Variants in METTL9 observed in about 807,000 individuals in gnomAD.
METTL9 encodes protein-L-histidine N-pros-methyltransferase.
In METTL9, 10 loss-of-function variants were observed where a neutral mutation model predicts 36.0. The ratio of observed to expected loss-of-function variants is 0.28; its 90% confidence interval spans 0.17 to 0.47. The LOEUF (loss-of-function observed/expected upper bound fraction) is 0.47, where lower values mean the gene tolerates loss of function less well. METTL9 is among the 20% of genes least tolerant of loss of function. The pLI is 0.99. For missense variants in METTL9, 246 were observed against 383.5 expected, an observed-to-expected ratio of 0.64 and a Z score of 3.00; for synonymous variants, 175 against 149.7, an observed-to-expected ratio of 1.17 and a Z score of -1.23.
intron 3 of METTL9, among the ~76,000 whole-genome samples, chr16:21,620,113 G>A (rs1250551897): frequency 2.6e-5 from 4 of 152,162 alleles, no homozygotes; most frequent in East Asian, 1.9e-4. Context: ...GCACAGCTAC[G>A]CCTTAGAAGT....
At chr16:21,624,867 A>T in intron 3 of METTL9, 64 bp from the exon 4 acceptor site, 2 of 1,401,024 alleles carry the variant, frequency 1.4e-6, no homozygotes, top group Non-Finnish European at 2.0e-6. Context: ...TTGTCATCTC[A>T]GTTATTTTTA....
At chr16:21,637,478 C>G (rs1417092943) in intron 4 of METTL9, among the ~76,000 whole-genome samples, 2 of 152,238 alleles carry the variant, frequency 1.3e-5, no homozygotes, top group East Asian at 1.9e-4. Flanking sequence ...GGTGCATTTA[C>G]AAACCTTTAG....
intron 1 of METTL9, among the ~76,000 whole-genome samples, chr16:21,608,150 A>G (rs1248422445): frequency 6.6e-6 from 1 of 152,136 alleles, no homozygotes; most frequent in African/African-American, 2.4e-5. Context: ...CTCCGTCTCA[A>G]AAAAAACAAA....
chr16:21,641,698 T>C, intron 4 of METTL9: 1 of 588,964 alleles, frequency 1.7e-6, no homozygotes, highest in Admixed American at 3.2e-5. Context: ...TTCTGGGTCC[T>C]AAGTGTCCAT....
At chr16:21,647,359 C>T in intron 4 of METTL9, 3 of 1,614,136 alleles carry the variant, frequency 1.9e-6, no homozygotes, top group Non-Finnish European at 8.5e-7. Context: ...CGTAGCGAAA[C>T]CACAGGCATG....
rs140246504 is a variant in METTL9 at position 21,599,629 on chromosome 16, C to G, written c.-105C>G. 0.039 allele frequency: 52,479 copies of G among 1,335,346 alleles called. 1,245 individuals are homozygous for G. Among genetic ancestry groups the G allele is most frequent in the Non-Finnish European group, 0.045 (47,247 of 1,051,718 alleles). 82.7% of individuals were successfully genotyped at this position (1,335,346 alleles called of 1,614,324 possible). The stretch of plus-strand genomic sequence containing the variant: ...GGGGGCTGGATGGGCAAGGCGGCCG[C>G]GATGGCTCGAGCTCGGGCGGTGGCG... On this transcript the variant is annotated 5_prime_UTR_variant, in exon 1 of 5. Transcript: ENST00000358154. This position sits in a 1 kb window ranked among gnomAD's most constrained non-coding sequence, Gnocchi z 4.4.
intron 4 of METTL9, among the ~76,000 whole-genome samples, chr16:21,637,760 C>T (rs1597775384): frequency 1.3e-5 from 2 of 152,244 alleles, no homozygotes; most frequent in South Asian, 2.1e-4. Flanking sequence ...CACTTCCCCG[C>T]GAGCAGAGAG....
intron 4 of METTL9, among the ~76,000 whole-genome samples, chr16:21,633,762 T>G (rs1246540355): frequency 6.6e-6 from 1 of 152,232 alleles, no homozygotes; most frequent in Non-Finnish European, 1.5e-5. Flanking sequence ...ATTTCCATAC[T>G]AAGCCTTGAG....
intron 4 of METTL9, among the ~76,000 whole-genome samples, chr16:21,650,508 C>CAAAAAA (rs3046229): frequency 1.1e-5 from 1 of 89,988 alleles, no homozygotes; most frequent in Admixed American, 1.2e-4. Context: ...ACTCTTGTCT[C>CAAAAAA]AAAAAAAAAA....
At chr16:21,643,712 T>C (rs1966340016) in intron 4 of METTL9, 1 of 657,776 alleles carries the variant, frequency 1.5e-6, no homozygotes, top group Admixed American at 3.2e-5. Context: ...TGATATACAA[T>C]GAGACTTAAT....
intron 4 of METTL9, among the ~76,000 whole-genome samples, chr16:21,646,120 C>T (rs1488082736): frequency 6.6e-6 from 1 of 151,290 alleles, no homozygotes; most frequent in African/African-American, 2.4e-5. Context: ...CTCTTTTTTC[C>T]TTCAGAATCA....
rs1966026868 is a variant in METTL9, at chr16:21,634,073, G to GA, written c.751+8962dup. On this transcript the variant is annotated intron_variant, in intron 4 of 4. Transcript: ENST00000358154. ...TTCAGGCTTAACAAGAAAGGCAAGT[G>GA]AAAAGAGCAAAGTTTCCAATTACAA... Among the ~76,000 whole-genome samples, 4 of 152,306 alleles carry GA rather than the reference G, an allele frequency of 2.6e-5. No homozygotes were observed. In the South Asian group the frequency reaches 8.3e-4, roughly 32 times the overall value.
chr16:21,623,391 T>C (rs1021111370), intron 3 of METTL9, among the ~76,000 whole-genome samples: 7 of 152,244 alleles, frequency 4.6e-5, no homozygotes, highest in African/African-American at 1.7e-4. Context: ...ACCCTCATTA[T>C]ACTTTTAGAA....
At position 21,599,603 on chromosome 16, in the gene METTL9, A is replaced by AG. The variant is rs554209779; in HGVS notation, c.-126dup. On this transcript the variant is annotated 5_prime_UTR_variant, in exon 1 of 5. Coordinates refer to ENST00000358154, the MANE Select transcript of METTL9 (RefSeq NM_016025.5). This position sits in a 1 kb window ranked among gnomAD's most constrained non-coding sequence, Gnocchi z 4.4. The stretch of plus-strand genomic sequence containing the variant: ...TCCCCACCCCCAGCCTTTGCCCTGA[A>AG]GGGGGCTGGATGGGCAAGGCGGCCG... 1.5e-4 allele frequency: 200 copies of AG among 1,318,096 alleles called. 8 individuals are homozygous for AG. In the South Asian group the frequency reaches 1.6e-3, roughly 11 times the overall value. The allele number at this position is 1,318,096 out of a possible 1,614,324, so 81.7% of individuals were successfully genotyped here. A position where few individuals can be genotyped will look rare whatever the true frequency, so the allele number is the denominator to read the frequency against.
At chr16:21,599,427 G>C, upstream of METTL9, 1 of 1,117,854 alleles carries the variant, frequency 8.9e-7, no homozygotes, top group Non-Finnish European at 1.1e-6. The surrounding 1 kb of genome is among the most constrained non-coding windows in gnomAD (Gnocchi z 4.4). Flanking sequence ...CCGCCTCCCA[G>C]CGGCCCGCTC....
intron 1 of METTL9, among the ~76,000 whole-genome samples, chr16:21,609,926 A>G (rs1965387118): frequency 6.6e-6 from 1 of 152,146 alleles, no homozygotes; most frequent in Non-Finnish European, 1.5e-5. Flanking sequence ...TTTCTGGAAG[A>G]TCTAACTGCC....
intron 2 of METTL9, among the ~76,000 whole-genome samples, chr16:21,617,191 G>A (rs1196272071): frequency 6.6e-6 from 1 of 152,046 alleles, no homozygotes; most frequent in Admixed American, 6.6e-5. Flanking sequence ...GGCAGAGGCG[G>A]GTGGATCACG....
At chr16:21,612,198 G>A (rs1021696038) in intron 1 of METTL9, 2 of 153,600 alleles carry the variant, frequency 1.3e-5, no homozygotes, top group East Asian at 1.9e-4. Context: ...ATTGGATTAT[G>A]TGACTGTTTT....
intron 4 of METTL9, chr16:21,652,281 A>T: frequency 2.8e-6 from 1 of 352,520 alleles, no homozygotes; most frequent in East Asian, 4.6e-5. Context: ...GAATATTTTC[A>T]ACCCTTTGGT....
Sources: gnomAD v4.1 joint callset for allele counts (sites outside exome capture counted in the v4.1 genomes callset) on GRCh38, gnomAD v4.1.1 for gene constraint, Gnocchi (gnomAD v3.1) non-coding constraint, MANE v1.5 for transcripts, NCBI Gene and HGNC (gene_info 2026-07-23, HGNC 2026-07-21) for gene names.